Variants in SASH1 observed in about 807,000 individuals in gnomAD.
SASH1 encodes SAM and SH3 domain containing 1.
Under a neutral mutation model 125.2 loss-of-function variants are expected in SASH1, and 44 were observed. That is an observed-to-expected ratio of 0.35 (90% CI 0.28 to 0.45). The LOEUF is 0.45. Among genes scored for constraint, SASH1 ranks in the 20% least tolerant of loss-of-function variants. SASH1 has a pLI of 1.00. For missense variants in SASH1, 1,426 were observed against 1,614.5 expected, an observed-to-expected ratio of 0.88 and a Z score of 2.00; for synonymous variants, 639 against 649.1, an observed-to-expected ratio of 0.98 and a Z score of 0.24.
the SASH1 span, among the ~76,000 whole-genome samples, chr6:148,262,101 T>TACAC: frequency 1.1e-4 from 16 of 149,852 alleles, no homozygotes; most frequent in African/African-American, 2.4e-4. Flanking sequence ...ACTGCACACA[T>TACAC]ACACACACAC....
chr6:148,532,692 T>C lies in SASH1; in HGVS notation c.1565-105T>C. The C allele has an allele frequency of 7.3e-7, 1 of 1,361,966 alleles. No individual in the cohort carries two copies. Among genetic ancestry groups the C allele is most frequent in the Non-Finnish European group, 1.0e-6 (1 of 981,222 alleles). The allele number at this position is 1,361,966 out of a possible 1,614,324, so 84.4% of individuals were successfully genotyped here. A position where few individuals can be genotyped will look rare whatever the true frequency, so the allele number is the denominator to read the frequency against. On this transcript the variant is annotated intron_variant, in intron 13 of 19. Transcript: ENST00000367467. This position sits in a 1 kb window ranked among gnomAD's most constrained non-coding sequence, Gnocchi z 4.7. The stretch of plus-strand genomic sequence containing the variant: ...AGAGGGTTGTGGCTCAAGGCTTCCT[T>C]TCTCTGGGCCTTCATTTCCTAATCT...
At chr6:148,472,197 A>T (rs1359665903) in intron 6 of SASH1, among the ~76,000 whole-genome samples, 1 of 152,188 alleles carries the variant, frequency 6.6e-6, no homozygotes, top group African/African-American at 2.4e-5. Flanking sequence ...GTTTTCCTTG[A>T]TCACCAGTGA....
chr6:148,368,762 ACGCGCGCG>A, intron 1 of SASH1, among the ~76,000 whole-genome samples: 1 of 131,386 alleles, frequency 7.6e-6, no homozygotes, highest in East Asian at 2.4e-4. Context: ...ATGCGCGCGC[ACGCGCGCG>A]CACACACACA....
rs558914718 is a variant in SASH1 at position 148,367,203 on chromosome 6, C to T, written c.157-22931C>T. On this transcript the variant is annotated intron_variant, in intron 1 of 19. Transcript: ENST00000367467. Reference sequence around the variant, plus strand: ...CCTCCCAAAGTGCGGGGATTACAGGCGTGAGCCACCGCACCTGGCCACAGT... The same window carrying T: ...CCTCCCAAAGTGCGGGGATTACAGGTGTGAGCCACCGCACCTGGCCACAGT... Among the ~76,000 whole-genome samples the T allele has an allele frequency of 6.6e-5, 10 of 152,206 alleles. No individual in the cohort carries two copies. The East Asian group carries it at 1.7e-3, about 26-fold the overall frequency.
At chr6:148,531,819 G>A (rs776310967) in intron 13 of SASH1, among the ~76,000 whole-genome samples, 158 bp downstream of exon 13, 7 of 152,184 alleles carry the variant, frequency 4.6e-5, no homozygotes, top group Non-Finnish European at 7.3e-5. Context: ...ACTCAGAGTC[G>A]TGTTTGTTTA....
the SASH1 span, among the ~76,000 whole-genome samples, chr6:148,221,197 AT>A: frequency 1.3e-5 from 2 of 151,684 alleles, no homozygotes; most frequent in Non-Finnish European, 2.9e-5. Context: ...GAGGTCATTT[AT>A]TTTTTTTTAT....
At chr6:148,298,354 G>GACT (rs1779818780) in intron 1 of SASH1, among the ~76,000 whole-genome samples, 2 of 152,044 alleles carry the variant, frequency 1.3e-5, no homozygotes, top group Non-Finnish European at 2.9e-5. Context: ...CTTTAATTAG[G>GACT]TGCAGTAGCT....
intron 1 of SASH1, among the ~76,000 whole-genome samples, chr6:148,332,567 A>C (rs1190987273): frequency 2.6e-5 from 4 of 151,572 alleles, no homozygotes; most frequent in Non-Finnish European, 5.9e-5. Context: ...GCCCTTTAAA[A>C]CCAAGTATCT....
At chr6:148,456,134 G>A (rs573425029) in intron 4 of SASH1, among the ~76,000 whole-genome samples, 1 of 152,134 alleles carries the variant, frequency 6.6e-6, no homozygotes, top group Admixed American at 6.5e-5. Flanking sequence ...CCATGGAAAC[G>A]CAAGGAGGAG....
chr6:148,308,901 T>A (rs553530594), intron 1 of SASH1, among the ~76,000 whole-genome samples: 14 of 150,932 alleles, frequency 9.3e-5, no homozygotes, highest in African/African-American at 3.2e-4. Context: ...CTGACCAACG[T>A]GGCAAAACCC....
chr6:148,393,311 T>C (rs7768573), intron 2 of SASH1, among the ~76,000 whole-genome samples: 106,766 of 151,244 alleles, frequency 0.71, 38,066 homozygotes, highest in Admixed American at 0.78. Context: ...CTGCCCGCCT[T>C]GGCCTCCCAA....
the SASH1 span, among the ~76,000 whole-genome samples, chr6:148,204,494 C>G: frequency 6.6e-6 from 1 of 152,092 alleles, no homozygotes; most frequent in East Asian, 1.9e-4. Context: ...GAGTTCAAGA[C>G]CAGCCTGGCC....
At chr6:148,296,189 T>A (rs577410493) in intron 1 of SASH1, among the ~76,000 whole-genome samples, 1 of 152,194 alleles carries the variant, frequency 6.6e-6, no homozygotes, top group South Asian at 2.1e-4. Context: ...GCAGTGGCGC[T>A]ATCTCGGCTC....
upstream of SASH1, among the ~76,000 whole-genome samples, chr6:148,271,695 A>G (rs954454050): frequency 1.4e-4 from 21 of 152,228 alleles, no homozygotes; most frequent in Non-Finnish European, 7.3e-5. Flanking sequence ...AGCCAACTCT[A>G]CAAAGTGGTC....
intron 10 of SASH1, among the ~76,000 whole-genome samples, chr6:148,523,315 G>A (rs1147855): frequency 0.16 from 23,796 of 152,200 alleles, 2,103 homozygotes; most frequent in Middle Eastern, 0.29. Flanking sequence ...GCAAGAAGGA[G>A]GAAATGTACA....
intron 2 of SASH1, among the ~76,000 whole-genome samples, chr6:148,398,929 A>G (rs1178268459): frequency 6.6e-6 from 1 of 152,218 alleles, no homozygotes; most frequent in East Asian, 1.9e-4. Context: ...GTTCCAATTT[A>G]GTCAGCATTT....
rs1782861181 is a variant in SASH1, at chr6:148,551,204, G to T, written c.*2646G>T. On this transcript the variant is annotated 3_prime_UTR_variant, in exon 20 of 20. Transcript: ENST00000367467. ...GGTCTGAGAAAAGCTGAATGTTTGG[G>T]TGTGACGTTTGACTGAGGTGGATTG... 6.6e-6 allele frequency: 1 copy of T among 152,412 alleles called. No individual in the cohort carries two copies. Among genetic ancestry groups the T allele is most frequent in the Non-Finnish European group, 1.5e-5 (1 of 67,996 alleles). The allele number at this position is 152,412 out of a possible 1,614,324, so 9.4% of individuals were successfully genotyped here.
At chr6:148,491,225 C>T (rs1779093540) in intron 8 of SASH1, among the ~76,000 whole-genome samples, 1 of 152,182 alleles carries the variant, frequency 6.6e-6, no homozygotes, top group South Asian at 2.1e-4. Context: ...TGTCCAGCTC[C>T]TATAGAAATA....
At chr6:148,370,775 A>G (rs1445619287) in intron 1 of SASH1, among the ~76,000 whole-genome samples, 1 of 151,528 alleles carries the variant, frequency 6.6e-6, no homozygotes, top group Non-Finnish European at 1.5e-5. Context: ...GTGAGCCGAG[A>G]TCACACCACT....
Sources: gnomAD v4.1 joint callset for allele counts (sites outside exome capture counted in the v4.1 genomes callset) on GRCh38, gnomAD v4.1.1 for gene constraint, Gnocchi (gnomAD v3.1) non-coding constraint, MANE v1.5 for transcripts, NCBI Gene and HGNC (gene_info 2026-07-23, HGNC 2026-07-21) for gene names.